HPS3: variants seen among roughly 807,000 people sequenced by gnomAD.
HPS3 encodes the protein HPS3 biogenesis of lysosomal organelles complex 2 subunit 1.
HPS3 carries 79 observed loss-of-function variants against 110.9 expected under a neutral mutation model. That is an observed-to-expected ratio of 0.71 (90% confidence interval 0.59 to 0.86). HPS3 has a LOEUF of 0.86. Ranked by LOEUF, HPS3 falls within the 40% of genes least tolerant of loss-of-function variation. The probability of loss-of-function intolerance (pLI) is 0.00; values close to 1 mark genes in which losing one functional copy is unlikely to be tolerated. For missense variants in HPS3, 1,197 were observed against 1,206.2 expected (o/e 0.99, Z 0.11); for synonymous variants, 428 against 451.0 (o/e 0.95, Z 0.65).
At chr3:149,130,327 C>A in intron 1 of HPS3, 1 of 223,450 alleles carries the variant, frequency 4.5e-6, no homozygotes, top group Non-Finnish European at 8.9e-6. Context: ...TACTGTATCC[C>A]GGAACCTCCA....
chr3:149,162,156 G>A lies in HPS3; in HGVS notation c.2115G>A (p.Leu705=), dbSNP rs1374488214. The A allele has an allele frequency of 1.2e-6, 2 of 1,613,390 alleles. No individual in the cohort carries two copies. Among genetic ancestry groups the A allele is most frequent in the Non-Finnish European group, 1.7e-6 (2 of 1,179,426 alleles). The change falls in exon 12 of 17, where the codon TTG becomes TTA. Residue 705 remains leucine (L), a synonymous_variant. Transcript: ENST00000296051. ...TTCTTTCTTATCTGAAGATGAAGTT[G>A]GTATGTGGCTTCATTCTGGAACCTC... is the stretch of plus-strand genomic sequence containing the variant. The part of the protein sequence containing the change: ...NEMKSHSEMK[L]VCGFILEPRL...
At chr3:149,142,622 T>C (rs1722542271) in intron 4 of HPS3, among the ~76,000 whole-genome samples, 1 of 152,082 alleles carries the variant, frequency 6.6e-6, no homozygotes, top group South Asian at 2.1e-4. Context: ...AAGATACAAA[T>C]ATTATTCCGA....
intron 16 of HPS3, among the ~76,000 whole-genome samples, chr3:149,171,120 A>T (rs1724941564): frequency 6.6e-6 from 1 of 152,200 alleles, no homozygotes; most frequent in Non-Finnish European, 1.5e-5. Flanking sequence ...TCTACTAAAA[A>T]TACAAAAATT....
chr3:149,166,015 T>C, intron 14 of HPS3: 1 of 456,268 alleles, frequency 2.2e-6, no homozygotes, highest in South Asian at 1.6e-5. Flanking sequence ...ATTGGGTAGA[T>C]CACATTCCAT....
At chr3:149,132,594 T>G (rs776309867) in intron 1 of HPS3, among the ~76,000 whole-genome samples, 7 of 152,210 alleles carry the variant, frequency 4.6e-5, no homozygotes, top group Admixed American at 6.5e-5. Flanking sequence ...AGAAGGAGAT[T>G]GATGTTGTTT....
chr3:149,135,204 G>A (rs1341237618), intron 1 of HPS3, among the ~76,000 whole-genome samples: 1 of 152,164 alleles, frequency 6.6e-6, no homozygotes, highest in African/African-American at 2.4e-5. Context: ...AAATTTGGGG[G>A]TATTAGGGAG....
chr3:149,140,746 A>G (rs942091926), intron 2 of HPS3, among the ~76,000 whole-genome samples: 1 of 152,158 alleles, frequency 6.6e-6, no homozygotes, highest in African/African-American at 2.4e-5. Context: ...CCTAGTCCTC[A>G]TAGTTACTAG....
chr3:149,153,135 G>A (rs954538091), intron 6 of HPS3, among the ~76,000 whole-genome samples: 1 of 152,204 alleles, frequency 6.6e-6, no homozygotes, highest in African/African-American at 2.4e-5. Flanking sequence ...GGGTTTCCCT[G>A]GGTGGCAGAG....
intron 1 of HPS3, among the ~76,000 whole-genome samples, chr3:149,131,485 G>A (rs1721777162): frequency 6.6e-6 from 1 of 152,152 alleles, no homozygotes; most frequent in Non-Finnish European, 1.5e-5. Flanking sequence ...ACGGTGATCA[G>A]CAATCTTTGA....
chr3:149,140,915 CATATT>C, intron 2 of HPS3, 97 bp from the exon 3 acceptor site: 1 of 1,068,302 alleles, frequency 9.4e-7, no homozygotes, highest in Non-Finnish European at 1.4e-6. Context: ...TAAATGTGTG[CATATT>C]ATAAATAAAT....
intron 13 of HPS3, 90 bp from the exon 14 acceptor site, chr3:149,163,752 G>A (rs1724123311): frequency 1.3e-6 from 1 of 744,844 alleles, no homozygotes; most frequent in South Asian, 1.5e-5. Flanking sequence ...TGACATGGCA[G>A]AGAATTAATG....
chr3:149,167,863 C>T, intron 15 of HPS3, 30 bp from the exon 16 acceptor site: 1 of 1,342,876 alleles, frequency 7.4e-7, no homozygotes, highest in African/African-American at 1.4e-5. Context: ...ATGCATCAAA[C>T]TAAAATTTAT....
At chr3:149,138,424 C>A (rs1722250954) in intron 1 of HPS3, among the ~76,000 whole-genome samples, 1 of 152,212 alleles carries the variant, frequency 6.6e-6, no homozygotes, top group Non-Finnish European at 1.5e-5. Context: ...TCTGACTTAT[C>A]TCCTTCTTTA....
At chr3:149,142,465 C>G (rs970553425) in intron 4 of HPS3, among the ~76,000 whole-genome samples, 1 of 152,140 alleles carries the variant, frequency 6.6e-6, no homozygotes, top group East Asian at 1.9e-4. Context: ...TACTCAGGCT[C>G]TACATGCAAG....
chr3:149,137,517 G>A (rs1421057586), intron 1 of HPS3, among the ~76,000 whole-genome samples: 1 of 152,182 alleles, frequency 6.6e-6, no homozygotes, highest in African/African-American at 2.4e-5. Flanking sequence ...ATGGATACAT[G>A]CACACCAATG....
intron 1 of HPS3, among the ~76,000 whole-genome samples, chr3:149,139,226 G>A (rs1390983837): frequency 6.6e-6 from 1 of 152,010 alleles, no homozygotes; most frequent in African/African-American, 2.4e-5. Context: ...CAGCCTGGAG[G>A]GAGAGATTTA....
At chr3:149,153,779 C>T (rs1723280128) in intron 7 of HPS3, 131 bp downstream of exon 7, 1 of 923,782 alleles carries the variant, frequency 1.1e-6, no homozygotes, top group Admixed American at 2.0e-5. Flanking sequence ...GGTCTTTTTC[C>T]AGAGAAAGAA....
In HPS3 at chr3:149,140,775, A is replaced by C. The variant is rs78383046; in HGVS notation, c.713-242A>C. 0.049 allele frequency among the ~76,000 whole-genome samples: 7,459 copies of C among 152,280 alleles called. 241 individuals are homozygous for C. Among genetic ancestry groups the C allele is most frequent in the South Asian group, 0.14 (666 of 4,826 alleles). On this transcript the variant is annotated intron_variant, in intron 2 of 16. Coordinates refer to ENST00000296051, the MANE Select transcript of HPS3 (RefSeq NM_032383.5). ...TTACTAGTTGAATGACCTTGGGTTA[A>C]TAATACCATCTCTGAGTTTCAACAT...
At chr3:149,168,442 T>C (rs1441607088) in intron 16 of HPS3, 1 of 174,252 alleles carries the variant, frequency 5.7e-6, no homozygotes, top group Admixed American at 5.6e-5. Flanking sequence ...AGTAGTTATT[T>C]GAATTTTCAT....
Sources: gnomAD v4.1 joint callset for allele counts (sites outside exome capture counted in the v4.1 genomes callset) on GRCh38, gnomAD v4.1.1 for gene constraint, MANE v1.5 for transcripts, NCBI Gene and HGNC (gene_info 2026-07-23, HGNC 2026-07-21) for gene names.